Variants in CCDC198 observed in about 807,000 individuals in gnomAD.
CCDC198 encodes factor associated with metabolism and energy.
A neutral mutation model predicts 35.6 loss-of-function variants in CCDC198; 18 were observed. That is an observed-to-expected ratio of 0.51 (90% CI 0.35 to 0.75). CCDC198 has a LOEUF of 0.75. Among genes scored for constraint, CCDC198 ranks in the 30% least tolerant of loss-of-function variants. CCDC198 has a pLI of 0.01. For missense variants in CCDC198, 365 were observed against 343.7 expected (o/e 1.06, Z -0.49); for synonymous variants, 119 against 113.4 (o/e 1.05, Z -0.31).
intron 2 of CCDC198, among the ~76,000 whole-genome samples, chr14:57,487,577 C>A (rs1194353442): frequency 2.6e-5 from 4 of 152,124 alleles, no homozygotes; most frequent in Admixed American, 1.3e-4. Context: ...TAAAAAGGCC[C>A]ATTTGATTCG....
At position 57,484,436 on chromosome 14, in the gene CCDC198, T is replaced by C. The variant is rs138596235; in HGVS notation, c.307-1285A>G. Among the ~76,000 whole-genome samples, 24 of 152,156 alleles carry C rather than the reference T, an allele frequency of 1.6e-4. No individual in the cohort carries two copies. The East Asian group carries it at 3.1e-3, about 20-fold the overall frequency. On this transcript the variant is annotated intron_variant, in intron 2 of 5. Coordinates refer to ENST00000216445, the MANE Select transcript of CCDC198 (RefSeq NM_018168.4). ...AGCTAGGAGAGAGTCGTGGAACAGA[T>C]CTTCCTCACAGGCCTCACAGGGAAC... is the stretch of plus-strand genomic sequence containing the variant.
chr14:57,478,479 C>T (rs561537105), intron 5 of CCDC198: 162 of 986,296 alleles, frequency 1.6e-4, no homozygotes, highest in South Asian at 3.3e-4. Flanking sequence ...TTGAACAAAA[C>T]GAAGCAGCTT....
intron 5 of CCDC198, chr14:57,479,121 A>T: frequency 1.0e-6 from 1 of 972,718 alleles, no homozygotes; most frequent in Non-Finnish European, 1.4e-6. Flanking sequence ...TAGAAAGCAT[A>T]GAGCGATCTG....
chr14:57,475,365 C>G lies in CCDC198; in HGVS notation c.656-3775G>C, dbSNP rs1221739379. 3.0e-6 allele frequency: 3 copies of G among 999,782 alleles called. No individual in the cohort carries two copies. In the Admixed American group the frequency reaches 1.8e-4, roughly 59 times the overall value. 61.9% of individuals were successfully genotyped at this position (999,782 alleles called of 1,614,324 possible). A position where few individuals can be genotyped will look rare whatever the true frequency, so the allele number is the denominator to read the frequency against. On this transcript the variant is annotated intron_variant, in intron 5 of 5. Coordinates refer to ENST00000216445, the MANE Select transcript of CCDC198 (RefSeq NM_018168.4). ...AAGAGTGCAGGTGGCCAGATAAGAC[C>G]AGAATTTTGAAGCTGACATTAAAAT... is the stretch of plus-strand genomic sequence containing the variant.
intron 5 of CCDC198, among the ~76,000 whole-genome samples, chr14:57,474,616 C>T (rs2066913680): frequency 6.6e-6 from 1 of 152,152 alleles, no homozygotes; most frequent in South Asian, 2.1e-4. Context: ...GTTTTGTGTA[C>T]ACAGCATTAA....
rs573560551 is a variant in CCDC198, at chr14:57,475,467, G to A, written c.656-3877C>T. 441 of 1,236,696 alleles carry A rather than the reference G, an allele frequency of 3.6e-4. 1 individual carries two copies. The African/African-American group carries it at 6.4e-3, about 18-fold the overall frequency. The allele number at this position is 1,236,696 out of a possible 1,614,324, so 76.6% of individuals were successfully genotyped here. On this transcript the variant is annotated intron_variant, in intron 5 of 5. Transcript: ENST00000216445. ...GACATCAATTGTGGCCAGGCGCGGTGGCTCATGCCTGTAATCGGATCATGA... is the reference window on the plus strand; with the variant it reads ...GACATCAATTGTGGCCAGGCGCGGTAGCTCATGCCTGTAATCGGATCATGA...
intron 5 of CCDC198, among the ~76,000 whole-genome samples, chr14:57,473,270 C>T (rs2066877218): frequency 1.3e-5 from 2 of 152,174 alleles, no homozygotes; most frequent in South Asian, 2.1e-4. Flanking sequence ...ACCATCTTAA[C>T]GTCTGCAGCC....
chr14:57,475,816 T>TG (rs2066977072), intron 5 of CCDC198: 1 of 262,416 alleles, frequency 3.8e-6, no homozygotes, highest in Non-Finnish European at 6.9e-6. Context: ...TTTTTTTTTT[T>TG]TTTGAGACAG....
rs768335826 is a variant in CCDC198, at chr14:57,490,972, T to G, written c.306+17A>C. 1 of 1,541,038 alleles carries G rather than the reference T, an allele frequency of 6.5e-7. No homozygotes were observed. ...TATCCAAGAAATTCCTTATGAAGCCTTTTAAATTCATCTTACTTGAAGTCT... is the reference window on the plus strand; with the variant it reads ...TATCCAAGAAATTCCTTATGAAGCCGTTTAAATTCATCTTACTTGAAGTCT... On this transcript the variant is annotated intron_variant, in intron 2 of 5. Transcript: ENST00000216445.
chr14:57,476,421 C>T (rs1003908322), intron 5 of CCDC198, among the ~76,000 whole-genome samples: 3 of 152,064 alleles, frequency 2.0e-5, no homozygotes, highest in Non-Finnish European at 4.4e-5. Context: ...AGGTCAGTTC[C>T]GGTGCTCTTC....
chr14:57,472,087 T>C (rs2066840554), intron 5 of CCDC198, among the ~76,000 whole-genome samples: 1 of 152,186 alleles, frequency 6.6e-6, no homozygotes, highest in Non-Finnish European at 1.5e-5. Context: ...ATATGGTCTA[T>C]ATTCAAATAT....
At chr14:57,479,211 T>G (rs1475529210) in intron 5 of CCDC198, among the ~76,000 whole-genome samples, 4 of 152,056 alleles carry the variant, frequency 2.6e-5, no homozygotes, top group Admixed American at 2.6e-4. Context: ...AAAGGCTAGG[T>G]AGGCAATGAC....
chr14:57,471,836 A>T (rs1041930943), intron 5 of CCDC198, among the ~76,000 whole-genome samples: 1 of 151,436 alleles, frequency 6.6e-6, no homozygotes, highest in Admixed American at 6.6e-5. Context: ...ATAATACAAC[A>T]CACACCTATA....
chr14:57,482,077 C>T (rs1477417206), intron 3 of CCDC198, among the ~76,000 whole-genome samples: 2 of 152,196 alleles, frequency 1.3e-5, no homozygotes, highest in African/African-American at 4.8e-5. Flanking sequence ...GAGAGGGAAG[C>T]TGCTGAATGG....
intron 5 of CCDC198, chr14:57,475,701 C>G (rs1211039450): frequency 2.5e-6 from 1 of 394,022 alleles, no homozygotes; most frequent in South Asian, 1.7e-5. Context: ...GAGCGAAACT[C>G]TGTCTTAAAA....
At chr14:57,481,074 G>A (rs1258378836) in intron 4 of CCDC198, among the ~76,000 whole-genome samples, 2 of 152,326 alleles carry the variant, frequency 1.3e-5, no homozygotes, top group South Asian at 2.1e-4. Context: ...TCATTTCCTA[G>A]AGGGAGGAAT....
At chr14:57,492,501 C>A (rs894306317) in intron 1 of CCDC198, among the ~76,000 whole-genome samples, 10 of 151,996 alleles carry the variant, frequency 6.6e-5, no homozygotes, top group Non-Finnish European at 8.8e-5. Flanking sequence ...ATGTCTATCA[C>A]CTATCCCTCT....
At chr14:57,478,528 C>T (rs2067076477) in intron 5 of CCDC198, 3 of 986,812 alleles carry the variant, frequency 3.0e-6, no homozygotes, top group Non-Finnish European at 3.6e-6. Context: ...CCCCTTTCTC[C>T]ATGTGCCAGT....
Position 57,483,150 on chromosome 14 carries a change from T to C in CCDC198, c.308A>G (p.Lys103Arg). The change falls in exon 3 of 6, where the codon AAG becomes AGG. Residue 103 changes from lysine (K) to arginine (R), a missense_variant and splice_region_variant. Transcript: ENST00000216445. ...TCGTGGCAAGTCAATGGGTTCAAGCTTCTAGAAGTTCAACGTTTAGAGCAG... is the reference window on the plus strand; with the variant it reads ...TCGTGGCAAGTCAATGGGTTCAAGCCTCTAGAAGTTCAACGTTTAGAGCAG... ...IKRHPPQRLQKLEPIDLPRVI... is the reference protein window; with the variant it reads ...IKRHPPQRLQRLEPIDLPRVI... 1 of 1,614,048 alleles carries C rather than the reference T, an allele frequency of 6.2e-7. No homozygotes were observed.
Sources: gnomAD v4.1 joint callset for allele counts (sites outside exome capture counted in the v4.1 genomes callset) on GRCh38, gnomAD v4.1.1 for gene constraint, MANE v1.5 for transcripts, NCBI Gene and HGNC (gene_info 2026-07-23, HGNC 2026-07-21) for gene names.